PPFIA2: variants seen among roughly 807,000 people sequenced by gnomAD.
PPFIA2 encodes liprin-alpha-2.
Under a neutral mutation model 175.5 loss-of-function variants are expected in PPFIA2, and 46 were observed. The ratio of observed to expected loss-of-function variants is 0.26; its 90% confidence interval spans 0.21 to 0.34. PPFIA2 has a LOEUF of 0.34. PPFIA2 is among the 10% of genes least tolerant of loss of function. The pLI is 1.00. For synonymous variants in PPFIA2, 568 were observed against 511.4 expected (o/e 1.11, Z -1.49); for missense variants, 1,179 against 1,506.1 (o/e 0.78, Z 3.60).
chr12:81,600,200 T>C (rs530510451), intron 4 of PPFIA2, among the ~76,000 whole-genome samples: 117 of 152,094 alleles, frequency 7.7e-4, no homozygotes, highest in Non-Finnish European at 1.4e-3. Context: ...GGCTGGCCTC[T>C]TTTCCTTCAA....
chr12:81,498,912 C>T (rs942853876), intron 4 of PPFIA2, among the ~76,000 whole-genome samples: 6 of 152,118 alleles, frequency 3.9e-5, no homozygotes, highest in African/African-American at 9.7e-5. Context: ...CGTGAGCCAC[C>T]GTGCCCGGCA....
At chr12:81,536,404 T>A (rs1310999933) in intron 4 of PPFIA2, among the ~76,000 whole-genome samples, 1 of 151,562 alleles carries the variant, frequency 6.6e-6, no homozygotes, top group African/African-American at 2.4e-5. Flanking sequence ...AATTATATTT[T>A]CCAAGCCATT....
At chr12:81,474,455 C>A (rs1272770143) in intron 4 of PPFIA2, among the ~76,000 whole-genome samples, 3 of 152,158 alleles carry the variant, frequency 2.0e-5, no homozygotes, top group African/African-American at 7.2e-5. Flanking sequence ...CCACACCCAG[C>A]TAATTTTTGT....
At chr12:81,675,586 T>C (rs953645244) in intron 4 of PPFIA2, 1 of 151,964 alleles carries the variant, frequency 6.6e-6, no homozygotes, top group East Asian at 1.9e-4. Flanking sequence ...CAGTGAACAG[T>C]TGAGGGAAGT....
At chr12:81,542,582 T>G (rs570646728) in intron 4 of PPFIA2, among the ~76,000 whole-genome samples, 1 of 152,176 alleles carries the variant, frequency 6.6e-6, no homozygotes, top group East Asian at 1.9e-4. Context: ...AAGATAATGC[T>G]GACTAATATA....
intron 4 of PPFIA2, among the ~76,000 whole-genome samples, chr12:81,536,593 CA>C (rs1000104530): frequency 4.3e-4 from 63 of 148,218 alleles, no homozygotes; most frequent in Admixed American, 1.1e-3. Context: ...AAAGGGAAAC[CA>C]AAAAAAGTGA....
At chr12:81,555,419 A>G (rs1008231263) in intron 4 of PPFIA2, among the ~76,000 whole-genome samples, 1 of 151,970 alleles carries the variant, frequency 6.6e-6, no homozygotes. Context: ...GTCAAATGAC[A>G]TTTTATTGAT....
intron 4 of PPFIA2, among the ~76,000 whole-genome samples, chr12:81,669,759 T>C (rs998378041): frequency 2.6e-5 from 4 of 151,800 alleles, no homozygotes; most frequent in African/African-American, 9.7e-5. Flanking sequence ...GGATAAGCTA[T>C]GGAGAAAAAG....
intron 4 of PPFIA2, among the ~76,000 whole-genome samples, chr12:81,511,880 TCTA>T (rs1567135976): frequency 6.6e-6 from 1 of 152,022 alleles, no homozygotes; most frequent in Non-Finnish European, 1.5e-5. Context: ...AGTCCTTTCT[TCTA>T]CTCTTAGTTT....
chr12:81,449,268 C>T (rs1007525781), intron 5 of PPFIA2, among the ~76,000 whole-genome samples: 1 of 152,096 alleles, frequency 6.6e-6, no homozygotes, highest in Non-Finnish European at 1.5e-5. Flanking sequence ...TAACTTGAGC[C>T]CTGTCATGAT....
chr12:81,755,692 A>C (rs991484939), intron 2 of PPFIA2, among the ~76,000 whole-genome samples: 2 of 152,164 alleles, frequency 1.3e-5, no homozygotes, highest in Non-Finnish European at 2.9e-5. Context: ...TTGATAACCT[A>C]TATTAAAAAA....
At chr12:81,269,799 C>T (rs928353795) in intron 28 of PPFIA2, among the ~76,000 whole-genome samples, 2 of 152,160 alleles carry the variant, frequency 1.3e-5, no homozygotes, top group South Asian at 4.1e-4. Flanking sequence ...GTGGCGTGTT[C>T]ATGATCATTG....
At chr12:81,407,858 A>G (rs2043209783) in intron 7 of PPFIA2, among the ~76,000 whole-genome samples, 1 of 152,244 alleles carries the variant, frequency 6.6e-6, no homozygotes, top group South Asian at 2.1e-4. Flanking sequence ...GTAGCACTCA[A>G]TAAAGTTTAT....
chr12:81,733,624 C>T (rs1318525243), intron 3 of PPFIA2, among the ~76,000 whole-genome samples: 1 of 151,608 alleles, frequency 6.6e-6, no homozygotes, highest in African/African-American at 2.4e-5. Context: ...TTTTACAACT[C>T]TTATGAAGAT....
intron 3 of PPFIA2, among the ~76,000 whole-genome samples, chr12:81,745,492 T>C (rs532102416): frequency 2.6e-5 from 4 of 152,140 alleles, no homozygotes; most frequent in African/African-American, 9.6e-5. Flanking sequence ...AGCAATGACC[T>C]TTTTTTTCTT....
At chr12:81,460,991 TTG>T (rs1259392374) in intron 4 of PPFIA2, among the ~76,000 whole-genome samples, 1 of 152,118 alleles carries the variant, frequency 6.6e-6, no homozygotes, top group Non-Finnish European at 1.5e-5. Context: ...CCCTTCTGAT[TTG>T]TGTTTCAATT....
intron 5 of PPFIA2, among the ~76,000 whole-genome samples, chr12:81,457,182 C>T (rs2053723570): frequency 6.6e-6 from 1 of 151,734 alleles, no homozygotes; most frequent in Non-Finnish European, 1.5e-5. Context: ...TGGGGTTTCA[C>T]CATGTTGGCC....
At chr12:81,626,311 C>A (rs929281158) in intron 4 of PPFIA2, among the ~76,000 whole-genome samples, 1 of 151,788 alleles carries the variant, frequency 6.6e-6, no homozygotes, top group Non-Finnish European at 1.5e-5. Flanking sequence ...TGTTGTTCAT[C>A]AAAGGAATAT....
At position 81,408,929 on chromosome 12, in the gene PPFIA2, G is replaced by A. The variant is rs77533936; in HGVS notation, c.646-3026C>T. 1.5e-3 allele frequency among the ~76,000 whole-genome samples: 230 copies of A among 152,246 alleles called. 4 individuals are homozygous for A. The East Asian group carries it at 0.028, about 18-fold the overall frequency. On this transcript the variant is annotated intron_variant, in intron 7 of 32. Transcript: ENST00000549396. ...TTCAGCACCTGATTTAATTGTGGGT[G>A]TTAATAAGTGGATTATTTTTGACAC...
Sources: allele counts gnomAD v4.1 joint callset (sites outside exome capture counted in the v4.1 genomes callset), GRCh38; gene constraint gnomAD v4.1.1; transcripts MANE v1.5; gene names NCBI Gene and HGNC (gene_info 2026-07-23, HGNC 2026-07-21).